ZNF138: variants seen among roughly 807,000 people sequenced by gnomAD.
ZNF138 encodes zinc finger protein 138 (clone pHZ-32).
A neutral mutation model predicts 33.0 loss-of-function variants in ZNF138; 33 were observed. That is an observed-to-expected ratio of 1.00 (90% confidence interval 0.76 to 1.34). ZNF138 has a LOEUF of 1.34. Among genes scored for constraint, ZNF138 ranks in the 40% most tolerant of loss-of-function variants. ZNF138 has a pLI of 0.00. For missense variants in ZNF138, 360 were observed against 370.8 expected (o/e 0.97, Z 0.24); for synonymous variants, 139 against 120.4 (o/e 1.15, Z -1.01).
In ZNF138 at chr7:64,795,291, C is replaced by T. The variant is rs541282116; in HGVS notation, c.3+720C>T. Among the ~76,000 whole-genome samples the T allele has an allele frequency of 3.9e-5, 6 of 152,188 alleles. No individual in the cohort carries two copies. The East Asian group carries it at 5.8e-4, about 15-fold the overall frequency. On this transcript the variant is annotated intron_variant, in intron 1 of 3. Coordinates refer to ENST00000307355, the MANE Select transcript of ZNF138 (RefSeq NM_001271639.2). ...AAAACCAGAAACCCTGGGACTGGAG[C>T]GACCTCAGTCTAATTGCCTGCCACT...
At chr7:64,852,924 G>T in the ZNF138 span, 1 of 1,176,918 alleles carries the variant, frequency 8.5e-7, no homozygotes, top group Non-Finnish European at 1.3e-6. Context: ...TTAAAACCTT[G>T]GATAATCAGA....
chr7:64,832,964 T>C lies in ZNF138; in HGVS notation c.*762T>C, dbSNP rs1790213720. ...GTTGTTTTAACTAGTTCTCGAACTT[T>C]ACTATGCATAAGAAAATTCAAACTG... On this transcript the variant is annotated 3_prime_UTR_variant, in exon 4 of 4. Transcript: ENST00000307355. 7.4e-6 allele frequency: 3 copies of C among 403,738 alleles called. No homozygotes were observed. Among genetic ancestry groups the C allele is most frequent in the South Asian group, 3.9e-5 (2 of 50,838 alleles). The allele number at this position is 403,738 out of a possible 1,614,324, so 25.0% of individuals were successfully genotyped here.
At chr7:64,833,937 G>T (rs1035679925), downstream of ZNF138, among the ~76,000 whole-genome samples, 2 of 152,126 alleles carry the variant, frequency 1.3e-5, no homozygotes, top group African/African-American at 4.8e-5. Context: ...TGTTGGCCAG[G>T]CTCATCTCGA....
rs76428222 is a variant in ZNF138 at position 64,833,278 on chromosome 7, C to T, written c.*1076C>T. On this transcript the variant is annotated 3_prime_UTR_variant, in exon 4 of 4. Coordinates refer to ENST00000307355, the MANE Select transcript of ZNF138 (RefSeq NM_001271639.2). ...ATGAAGAATGTGGTAATGCTTTTAA[C>T]CAATTCTCAAATCTTACTAAACAAA... is the stretch of plus-strand genomic sequence containing the variant. The T allele has an allele frequency of 3.4e-4, 58 of 169,176 alleles. No individual in the cohort carries two copies. In the East Asian group the frequency reaches 9.6e-3, roughly 28 times the overall value. 10.5% of individuals were successfully genotyped at this position (169,176 alleles called of 1,614,324 possible).
the ZNF138 span, among the ~76,000 whole-genome samples, chr7:64,849,553 A>AGATCATGT: frequency 6.6e-6 from 1 of 152,018 alleles, no homozygotes; most frequent in African/African-American, 2.4e-5. Context: ...TAGGGAGGGA[A>AGATCATGT]GATCATGTGG....
rs1790199529 is a variant in ZNF138 at position 64,832,790 on chromosome 7, A to G, written c.*588A>G. On this transcript the variant is annotated 3_prime_UTR_variant, in exon 4 of 4. Coordinates refer to ENST00000307355, the MANE Select transcript of ZNF138 (RefSeq NM_001271639.2). ...GTGGCAAAGGTTTTAGCCAACTCTCAAACCTTACTAAACACAAGAAGATTC... is the reference window on the plus strand; with the variant it reads ...GTGGCAAAGGTTTTAGCCAACTCTCGAACCTTACTAAACACAAGAAGATTC... The G allele has an allele frequency of 2.2e-6, 1 of 445,010 alleles. No individual in the cohort carries two copies. The highest frequency in any genetic ancestry group is 1.8e-5 in the South Asian group (1 of 56,640). 27.6% of individuals were successfully genotyped at this position (445,010 alleles called of 1,614,324 possible).
At chr7:64,829,848 C>G (rs1372849142) in intron 3 of ZNF138, among the ~76,000 whole-genome samples, 2 of 152,038 alleles carry the variant, frequency 1.3e-5, no homozygotes, top group Admixed American at 1.3e-4. Context: ...TGTGTATATG[C>G]ATGTCTTTCC....
At chr7:64,837,976 G>A (rs973062954), downstream of ZNF138, among the ~76,000 whole-genome samples, 6 of 152,266 alleles carry the variant, frequency 3.9e-5, no homozygotes, top group East Asian at 7.8e-4. Flanking sequence ...GGCGTCTGGC[G>A]GTAGGTGGAG....
At chr7:64,795,498 T>C (rs576813440) in intron 1 of ZNF138, among the ~76,000 whole-genome samples, 1 of 152,370 alleles carries the variant, frequency 6.6e-6, no homozygotes, top group Admixed American at 6.5e-5. Flanking sequence ...TTCCCCTTCC[T>C]AATTCACATT....
At chr7:64,838,046 T>C (rs1199665326), downstream of ZNF138, among the ~76,000 whole-genome samples, 1 of 152,066 alleles carries the variant, frequency 6.6e-6, no homozygotes, top group Non-Finnish European at 1.5e-5. Context: ...TGCTAAAAGA[T>C]GGCAAAACAG....
At chr7:64,844,157 A>G in the ZNF138 span, among the ~76,000 whole-genome samples, 1 of 152,010 alleles carries the variant, frequency 6.6e-6, no homozygotes, top group Non-Finnish European at 1.5e-5. Context: ...GCAGCCTAGA[A>G]CTCCTGGGCT....
intron 3 of ZNF138, among the ~76,000 whole-genome samples, chr7:64,825,139 C>T (rs985358727): frequency 1.5e-5 from 2 of 135,646 alleles, no homozygotes; most frequent in Admixed American, 7.6e-5. Flanking sequence ...TCTTGTAGGC[C>T]GCATGTTGTA....
downstream of ZNF138, among the ~76,000 whole-genome samples, chr7:64,834,329 A>G (rs1790302880): frequency 6.6e-6 from 1 of 152,250 alleles, no homozygotes; most frequent in Admixed American, 6.5e-5. Context: ...CTACGTAAGT[A>G]TCAGAGAATT....
At chr7:64,807,121 C>T (rs1311313151) in intron 1 of ZNF138, among the ~76,000 whole-genome samples, 8 of 152,254 alleles carry the variant, frequency 5.3e-5, no homozygotes, top group Non-Finnish European at 1.0e-4. Context: ...CAAACCCATC[C>T]TTAATCTGAT....
chr7:64,803,033 A>G (rs1364396937), intron 1 of ZNF138, among the ~76,000 whole-genome samples: 1 of 152,236 alleles, frequency 6.6e-6, no homozygotes, highest in Non-Finnish European at 1.5e-5. Context: ...AGGAGAAAAT[A>G]TAAATTAGAA....
chr7:64,800,023 T>C (rs1583772655), intron 1 of ZNF138, among the ~76,000 whole-genome samples: 3 of 152,334 alleles, frequency 2.0e-5, no homozygotes, highest in African/African-American at 7.2e-5. Flanking sequence ...TTTGTACATT[T>C]ATTTTGTATT....
At chr7:64,798,563 G>A (rs550018523) in intron 1 of ZNF138, among the ~76,000 whole-genome samples, 2 of 152,234 alleles carry the variant, frequency 1.3e-5, no homozygotes, top group African/African-American at 2.4e-5. Flanking sequence ...AGGCCAAGGC[G>A]GGTGGATCAC....
chr7:64,814,864 GC>G (rs1407212060), intron 1 of ZNF138, 53 bp from the exon 2 acceptor site: 4 of 1,603,750 alleles, frequency 2.5e-6, no homozygotes, highest in African/African-American at 1.3e-5. Context: ...TTAAAATTCT[GC>G]CCATGGCTAC....
At chr7:64,795,974 T>G (rs1786655502) in intron 1 of ZNF138, among the ~76,000 whole-genome samples, 1 of 152,024 alleles carries the variant, frequency 6.6e-6, no homozygotes, top group South Asian at 2.1e-4. Context: ...AGGGAGCAGG[T>G]GAATGCCCTG....
Sources: allele counts gnomAD v4.1 joint callset (sites outside exome capture counted in the v4.1 genomes callset), GRCh38; gene constraint gnomAD v4.1.1; transcripts MANE v1.5; gene names NCBI Gene and HGNC (gene_info 2026-07-23, HGNC 2026-07-21).